Variants in ESRRG observed in about 807,000 individuals in gnomAD.
ESRRG encodes estrogen related receptor gamma.
A neutral mutation model predicts 44.0 loss-of-function variants in ESRRG; 13 were observed. The ratio of observed to expected loss-of-function variants is 0.30; its 90% CI spans 0.19 to 0.47. The LOEUF (loss-of-function observed/expected upper bound fraction) is 0.47. Among genes scored for constraint, ESRRG ranks in the 20% least tolerant of loss-of-function variants. The pLI is 1.00. For missense variants in ESRRG, 395 were observed against 580.6 expected, an observed-to-expected ratio of 0.68 and a Z score of 3.29; for synonymous variants, 215 against 214.6, an observed-to-expected ratio of 1.00 and a Z score of -0.02.
chr1:216,688,618 C>A (rs139256836), intron 1 of ESRRG, among the ~76,000 whole-genome samples: 3 of 152,132 alleles, frequency 2.0e-5, no homozygotes, highest in African/African-American at 4.8e-5. Context: ...GTGAAGCAGG[C>A]TCTCTTCCAT....
chr1:217,107,962 CTATT>C (rs948872211), intron 1 of ESRRG, among the ~76,000 whole-genome samples: 1 of 151,972 alleles, frequency 6.6e-6, no homozygotes, highest in African/African-American at 2.4e-5. Flanking sequence ...GAGATGAACT[CTATT>C]TAAAGCATGT....
chr1:216,778,949 C>G (rs2093716282), intron 2 of ESRRG, among the ~76,000 whole-genome samples: 1 of 150,446 alleles, frequency 6.6e-6, no homozygotes, highest in South Asian at 2.1e-4. Context: ...GCAATGTTAA[C>G]CTGAAGCCAT....
At chr1:216,889,870 G>T (rs11572532) in intron 2 of ESRRG, among the ~76,000 whole-genome samples, 407 of 152,064 alleles carry the variant, frequency 2.7e-3, no homozygotes, top group Non-Finnish European at 5.4e-3. Flanking sequence ...AAGATGAAAA[G>T]GTCTCTTTTT....
At chr1:216,983,675 C>T (rs1005283095) in intron 1 of ESRRG, among the ~76,000 whole-genome samples, 7 of 107,622 alleles carry the variant, frequency 6.5e-5, no homozygotes, top group African/African-American at 1.5e-4. Context: ...ATCCCTTTCG[C>T]GTGCATGTGC....
At chr1:216,559,149 C>T (rs561556769) in intron 5 of ESRRG, among the ~76,000 whole-genome samples, 53 of 152,088 alleles carry the variant, frequency 3.5e-4, no homozygotes, top group Non-Finnish European at 5.7e-4. Flanking sequence ...CAATTACTGG[C>T]GTGATCCACC....
chr1:216,890,115 A>C (rs1367594608), intron 2 of ESRRG, among the ~76,000 whole-genome samples: 2 of 151,980 alleles, frequency 1.3e-5, no homozygotes, highest in Non-Finnish European at 2.9e-5. Flanking sequence ...AAGTACAAAA[A>C]TTAGCTGTAT....
At chr1:216,830,343 A>C (rs905401792) in intron 2 of ESRRG, among the ~76,000 whole-genome samples, 3 of 152,162 alleles carry the variant, frequency 2.0e-5, no homozygotes, top group Admixed American at 1.3e-4. Context: ...GTAATCCATA[A>C]CTGGGGGGTG....
chr1:216,597,791 C>A (rs1466447514), intron 3 of ESRRG, among the ~76,000 whole-genome samples: 1 of 147,036 alleles, frequency 6.8e-6, no homozygotes, highest in African/African-American at 2.4e-5. Context: ...GAGATTTCAG[C>A]TTATAATACT....
intron 5 of ESRRG, among the ~76,000 whole-genome samples, chr1:216,528,341 T>A (rs1018658663): frequency 2.6e-5 from 4 of 152,322 alleles, no homozygotes; most frequent in African/African-American, 9.6e-5. Flanking sequence ...TTCTCTTCAA[T>A]TTAGAAGTAA....
intron 2 of ESRRG, among the ~76,000 whole-genome samples, chr1:216,850,623 G>A (rs934450675): frequency 1.3e-5 from 2 of 152,014 alleles, no homozygotes; most frequent in South Asian, 4.1e-4. Flanking sequence ...AATCAAAGGT[G>A]CAATTCTTGA....
intron 1 of ESRRG, among the ~76,000 whole-genome samples, chr1:216,949,010 G>C (rs1292088584): frequency 1.3e-5 from 2 of 152,114 alleles, no homozygotes; most frequent in Non-Finnish European, 2.9e-5. Flanking sequence ...CCTCTCCCCT[G>C]GGCTCAGCAT....
chr1:216,985,824 C>T (rs1208845756), intron 1 of ESRRG: 1 of 152,118 alleles, frequency 6.6e-6, no homozygotes, highest in East Asian at 1.9e-4. Flanking sequence ...GCATCTGCCA[C>T]ACAGAGACAG....
At chr1:216,599,468 G>GA (rs1265335788) in intron 3 of ESRRG, among the ~76,000 whole-genome samples, 16 of 151,494 alleles carry the variant, frequency 1.1e-4, no homozygotes, top group Non-Finnish European at 4.4e-5. Context: ...ACTTAACAAG[G>GA]AAAAAAAATC....
intron 3 of ESRRG, among the ~76,000 whole-genome samples, chr1:216,596,410 G>T (rs1329462951): frequency 6.6e-6 from 1 of 152,154 alleles, no homozygotes; most frequent in Non-Finnish European, 1.5e-5. Context: ...AGAGGAGGAT[G>T]TTTGAAAGGG....
chr1:216,778,055 C>T (rs557513321), intron 2 of ESRRG, among the ~76,000 whole-genome samples: 1 of 152,108 alleles, frequency 6.6e-6, no homozygotes, highest in African/African-American at 2.4e-5. Context: ...GTTATCTGGT[C>T]TCGGATCAAT....
intron 5 of ESRRG, among the ~76,000 whole-genome samples, chr1:216,545,327 T>C (rs1317105350): frequency 6.6e-6 from 1 of 151,862 alleles, no homozygotes; most frequent in Non-Finnish European, 1.5e-5. Context: ...TCTCCCAAAC[T>C]GCTAGGATTA....
chr1:216,757,906 C>A (rs797005660), intron 2 of ESRRG, among the ~76,000 whole-genome samples: 4 of 152,080 alleles, frequency 2.6e-5, no homozygotes, highest in African/African-American at 7.2e-5. Context: ...ATAGATAGTA[C>A]TCTTTAATAC....
chr1:216,554,147 G>A (rs1240968770), intron 5 of ESRRG, among the ~76,000 whole-genome samples: 1 of 151,962 alleles, frequency 6.6e-6, no homozygotes, highest in Admixed American at 6.6e-5. Flanking sequence ...GACACACTTG[G>A]TACGGTGTTA....
intron 4 of ESRRG, among the ~76,000 whole-genome samples, chr1:216,567,046 G>A (rs1248709159): frequency 6.6e-6 from 1 of 152,106 alleles, no homozygotes; most frequent in Admixed American, 6.5e-5. Flanking sequence ...CTCTTCCCCT[G>A]AAGGCAGATC....
Sources: allele counts gnomAD v4.1 joint callset (sites outside exome capture counted in the v4.1 genomes callset), GRCh38; gene constraint gnomAD v4.1.1; transcripts MANE v1.5; gene names NCBI Gene and HGNC (gene_info 2026-07-23, HGNC 2026-07-21).